PRKG2: variants seen among roughly 807,000 people sequenced by gnomAD.
PRKG2 encodes cGMP-dependent protein kinase 2.
Under a neutral mutation model 97.2 loss-of-function variants are expected in PRKG2, and 33 were observed. That is an observed-to-expected ratio of 0.34 (90% confidence interval 0.26 to 0.45). The LOEUF (loss-of-function observed/expected upper bound fraction) is 0.45. Ranked by LOEUF, PRKG2 falls within the 20% of genes least tolerant of loss-of-function variation. The pLI is 1.00. For synonymous variants in PRKG2, 330 were observed against 321.8 expected, an observed-to-expected ratio of 1.03 and a Z score of -0.27; for missense variants, 638 against 900.0, an observed-to-expected ratio of 0.71 and a Z score of 3.73.
chr4:81,145,226 G>C (rs539367842), intron 9 of PRKG2, among the ~76,000 whole-genome samples: 1 of 151,978 alleles, frequency 6.6e-6, no homozygotes, highest in African/African-American at 2.4e-5. Context: ...TCCCACCAAC[G>C]GTGTAAAAGT....
chr4:81,140,080 T>G (rs1388816129), intron 12 of PRKG2, among the ~76,000 whole-genome samples: 1 of 152,112 alleles, frequency 6.6e-6, no homozygotes, highest in Admixed American at 6.6e-5. Flanking sequence ...TCTCACTTAT[T>G]TGTGGGATCT....
chr4:81,155,990 G>A (rs989836716), intron 6 of PRKG2, among the ~76,000 whole-genome samples: 4 of 151,902 alleles, frequency 2.6e-5, no homozygotes, highest in African/African-American at 9.7e-5. Flanking sequence ...AAAATGTAAA[G>A]ACCATCGAGA....
chr4:81,171,702 G>T lies in PRKG2; in HGVS notation c.731C>A (p.Ala244Asp). 1 of 1,596,356 alleles carries T rather than the reference G, an allele frequency of 6.3e-7. No homozygotes were observed. Among genetic ancestry groups the T allele is most frequent in the South Asian group, 1.1e-5 (1 of 88,032 alleles). Residue 244 changes from alanine (A) to aspartate (D), a missense_variant, in exon 4 of 19, where the codon GCC becomes GAC. Transcript: ENST00000264399. ...LAILYNCTRT[A>D]SVKAITNVKT... is the part of the protein sequence containing the mutation. ...TCCTCTTTTATTACCTTTCACAGAG[G>T]CAGTCCTTGTACAATTGTATAAAAT...
chr4:81,217,099 C>A (rs1002784296), upstream of PRKG2, among the ~76,000 whole-genome samples: 1 of 146,788 alleles, frequency 6.8e-6, no homozygotes, highest in Admixed American at 6.8e-5. Context: ...TCCAATCACC[C>A]CTTAATGGAC....
chr4:81,149,712 G>A (rs1748197819), intron 8 of PRKG2, among the ~76,000 whole-genome samples: 1 of 152,002 alleles, frequency 6.6e-6, no homozygotes, highest in African/African-American at 2.4e-5. Flanking sequence ...TAAACTAAAA[G>A]ACACACACAC....
intron 2 of PRKG2, among the ~76,000 whole-genome samples, chr4:81,184,023 C>T (rs1751659409): frequency 6.6e-6 from 1 of 152,188 alleles, no homozygotes; most frequent in South Asian, 2.1e-4. Context: ...ACTCCCATCT[C>T]CCTGGAACAG....
chr4:81,212,191 C>G (rs570814738), intron 1 of PRKG2, among the ~76,000 whole-genome samples: 1 of 152,074 alleles, frequency 6.6e-6, no homozygotes, highest in Non-Finnish European at 1.5e-5. Context: ...AGCATCCTGG[C>G]TGGAGAAAAA....
chr4:81,217,229 A>G (rs1754312400), upstream of PRKG2, among the ~76,000 whole-genome samples: 1 of 151,904 alleles, frequency 6.6e-6, no homozygotes, highest in South Asian at 2.1e-4. Flanking sequence ...AAATTGATGT[A>G]CTGGGTCAAA....
chr4:81,109,333 G>A (rs930063538), intron 15 of PRKG2, among the ~76,000 whole-genome samples: 10 of 152,126 alleles, frequency 6.6e-5, no homozygotes, highest in Non-Finnish European at 1.2e-4. Context: ...CAATAGACTC[G>A]TTCTAGTATT....
At chr4:81,195,079 C>A (rs1752874262) in intron 2 of PRKG2, among the ~76,000 whole-genome samples, 1 of 152,154 alleles carries the variant, frequency 6.6e-6, no homozygotes, top group Non-Finnish European at 1.5e-5. Flanking sequence ...CTGTAAACAA[C>A]AACATGGAAG....
rs141981914 is a variant in PRKG2, at chr4:81,156,309, G to A, written c.913-2588C>T. On this transcript the variant is annotated intron_variant, in intron 6 of 18. Coordinates refer to ENST00000264399, the MANE Select transcript of PRKG2 (RefSeq NM_006259.3). ...TCTCTGATAAAACAGACTTTAAACC[G>A]ACAAAGATCAAAAGAGACAAAGAAG... Among the ~76,000 whole-genome samples the A allele has an allele frequency of 3.9e-3, 595 of 151,932 alleles. 3 individuals are homozygous for A. Among genetic ancestry groups the A allele is most frequent in the African/African-American group, 8.8e-3 (365 of 41,466 alleles).
intron 17 of PRKG2, among the ~76,000 whole-genome samples, chr4:81,099,348 A>C (rs577322605): frequency 1.3e-5 from 2 of 152,296 alleles, no homozygotes; most frequent in African/African-American, 4.8e-5. Context: ...GCAGCACATC[A>C]AAAAGCTTAT....
At chr4:81,162,408 G>A (rs1293218763) in intron 6 of PRKG2, among the ~76,000 whole-genome samples, 1 of 152,096 alleles carries the variant, frequency 6.6e-6, no homozygotes, top group Non-Finnish European at 1.5e-5. Flanking sequence ...CCAAGCCCAT[G>A]CATGCTTTCA....
chr4:81,140,439 C>A, intron 12 of PRKG2, 94 bp downstream of exon 12: 5 of 1,173,914 alleles, frequency 4.3e-6, no homozygotes, highest in Non-Finnish European at 5.6e-6. Context: ...TATGTACCCA[C>A]AAAAATTAAA....
At chr4:81,154,381 T>C (rs932132944) in intron 6 of PRKG2, 3 of 152,028 alleles carry the variant, frequency 2.0e-5, no homozygotes, top group Non-Finnish European at 4.4e-5. Flanking sequence ...TCTGACAGCT[T>C]TGAAGAGAGC....
intron 15 of PRKG2, among the ~76,000 whole-genome samples, chr4:81,107,943 G>A (rs573586770): frequency 4.6e-5 from 7 of 152,158 alleles, no homozygotes; most frequent in Admixed American, 1.3e-4. Context: ...GGTGGCTCAC[G>A]CCTGTAATCC....
At chr4:81,154,721 T>A (rs1748836622) in intron 6 of PRKG2, among the ~76,000 whole-genome samples, 1 of 152,058 alleles carries the variant, frequency 6.6e-6, no homozygotes, top group South Asian at 2.1e-4. Context: ...CCTCTCCTCC[T>A]CCAAAGGAAC....
chr4:81,172,736 A>C (rs930415276), intron 3 of PRKG2, among the ~76,000 whole-genome samples: 1 of 152,144 alleles, frequency 6.6e-6, no homozygotes, highest in African/African-American at 2.4e-5. Context: ...TCCTTAAAGA[A>C]TTAGTCTTTC....
intron 2 of PRKG2, among the ~76,000 whole-genome samples, chr4:81,195,692 A>G (rs914881184): frequency 6.6e-6 from 1 of 152,166 alleles, no homozygotes; most frequent in Non-Finnish European, 1.5e-5. Context: ...CTGCTGTAGT[A>G]TGTGTCAGAG....
Sources: gnomAD v4.1 joint callset for allele counts (sites outside exome capture counted in the v4.1 genomes callset) on GRCh38, gnomAD v4.1.1 for gene constraint, MANE v1.5 for transcripts, NCBI Gene and HGNC (gene_info 2026-07-23, HGNC 2026-07-21) for gene names.